The following IQSEC1 variants were observed in gnomAD, a reference collection of about 807,000 sequenced individuals.
IQSEC1 encodes IQ motif and SEC7 domain-containing protein 1.
In IQSEC1, 31 loss-of-function variants were observed where a neutral mutation model predicts 91.0. That is an observed-to-expected ratio of 0.34 (90% CI 0.26 to 0.46). The LOEUF is 0.46. IQSEC1 is among the 20% of genes least tolerant of loss of function. The probability of loss-of-function intolerance (pLI) is 1.00; values close to 1 mark genes in which losing one functional copy is unlikely to be tolerated. For synonymous variants in IQSEC1, 699 were observed against 662.6 expected (o/e 1.05, Z -0.84); for missense variants, 1,388 against 1,575.6 (o/e 0.88, Z 2.02).
At chr3:13,040,146 A>G (rs1704198278) in intron 1 of IQSEC1, among the ~76,000 whole-genome samples, 1 of 152,180 alleles carries the variant, frequency 6.6e-6, no homozygotes, top group Non-Finnish European at 1.5e-5. Flanking sequence ...TTTATGCACC[A>G]TGTGAGGCTT....
At chr3:12,945,057 C>T (rs993327143) in intron 1 of IQSEC1, among the ~76,000 whole-genome samples, 2 of 152,166 alleles carry the variant, frequency 1.3e-5, no homozygotes, top group Non-Finnish European at 2.9e-5. Context: ...TTGAGAGGGG[C>T]CTTTGTTCCC....
At chr3:13,154,480 A>AC (rs1707056026) in intron 2 of IQSEC1, among the ~76,000 whole-genome samples, 1 of 18,294 alleles carries the variant, frequency 5.5e-5, no homozygotes, top group Non-Finnish European at 1.2e-4. Context: ...TATATATGCA[A>AC]AAACTGATAC....
chr3:13,084,313 G>A (rs1459904028), intron 2 of IQSEC1, among the ~76,000 whole-genome samples: 1 of 146,370 alleles, frequency 6.8e-6, no homozygotes, highest in African/African-American at 2.4e-5. Context: ...GGCCCCCAAA[G>A]CTCCTTCCAC....
At chr3:13,189,299 T>C (rs1432712659) in intron 1 of IQSEC1, among the ~76,000 whole-genome samples, 1 of 152,236 alleles carries the variant, frequency 6.6e-6, no homozygotes, top group Non-Finnish European at 1.5e-5. Flanking sequence ...GTTTGGGAAC[T>C]GGTTACCAGC....
At chr3:13,003,883 A>G (rs1218823277) in intron 1 of IQSEC1, among the ~76,000 whole-genome samples, 1 of 152,252 alleles carries the variant, frequency 6.6e-6, no homozygotes, top group Non-Finnish European at 1.5e-5. Context: ...TGAAAGTTAC[A>G]TATGGCATGT....
At chr3:12,977,786 TC>T (rs1252898256) in intron 1 of IQSEC1, among the ~76,000 whole-genome samples, 1 of 152,242 alleles carries the variant, frequency 6.6e-6, no homozygotes, top group African/African-American at 2.4e-5. Flanking sequence ...GAGTTAAACA[TC>T]CCTTTTTGCA....
chr3:13,009,667 ATGTG>A (rs3072722), intron 1 of IQSEC1, among the ~76,000 whole-genome samples: 5 of 150,170 alleles, frequency 3.3e-5, no homozygotes, highest in South Asian at 2.1e-4. Context: ...GTATATATAT[ATGTG>A]TGTGTGTGTG....
intron 1 of IQSEC1, among the ~76,000 whole-genome samples, chr3:13,196,197 GC>G (rs1299048268): frequency 6.6e-6 from 1 of 152,196 alleles, no homozygotes; most frequent in Non-Finnish European, 1.5e-5. Context: ...GGGGGTGCCA[GC>G]CCATAGTCTC....
At chr3:12,906,543 TC>T (rs1695005433) in intron 12 of IQSEC1, among the ~76,000 whole-genome samples, 1 of 152,220 alleles carries the variant, frequency 6.6e-6, no homozygotes, top group South Asian at 2.1e-4. Context: ...TGAGATCTGT[TC>T]CTCCTTTTGT....
chr3:13,132,810 C>T (rs1379657068), intron 2 of IQSEC1, among the ~76,000 whole-genome samples: 1 of 152,070 alleles, frequency 6.6e-6, no homozygotes, highest in Non-Finnish European at 1.5e-5. Flanking sequence ...TTTGTTTCAC[C>T]AGGAAACTTT....
intron 1 of IQSEC1, among the ~76,000 whole-genome samples, chr3:13,280,031 T>A (rs1695759893): frequency 6.6e-6 from 1 of 152,200 alleles, no homozygotes; most frequent in Non-Finnish European, 1.5e-5. Context: ...ACTTACTGTA[T>A]ACCAGTTTCC....
chr3:13,020,035 AG>A (rs919245809), intron 1 of IQSEC1, among the ~76,000 whole-genome samples: 3 of 152,214 alleles, frequency 2.0e-5, no homozygotes, highest in African/African-American at 7.2e-5. Context: ...GACAGGGCAC[AG>A]CGGGCCTCCC....
chr3:13,056,739 GT>G (rs1704895907), intron 1 of IQSEC1, among the ~76,000 whole-genome samples: 2 of 152,122 alleles, frequency 1.3e-5, no homozygotes, highest in Admixed American at 6.5e-5. Context: ...GCTGAGGCGA[GT>G]TTTCCCTGAG....
chr3:12,955,404 C>T (rs899179418), intron 1 of IQSEC1, among the ~76,000 whole-genome samples: 12 of 152,230 alleles, frequency 7.9e-5, no homozygotes, highest in African/African-American at 2.9e-4. Context: ...GGCTGGCAAC[C>T]TGCACTTTCA....
rs1400840105 is a variant in IQSEC1 at position 13,027,595 on chromosome 3, A to G, written c.23+45397T>C. ...AAAGTGGAACTGGTAGAAATGTCTG[A>G]TCAATAAGATGAGGAGGTGAGAGAG... On this transcript the variant is annotated intron_variant, in intron 1 of 13. Transcript: ENST00000613206. 2.6e-5 allele frequency among the ~76,000 whole-genome samples: 4 copies of G among 152,340 alleles called. No homozygotes were observed. The South Asian group carries it at 6.2e-4, about 24-fold the overall frequency.
intron 1 of IQSEC1, among the ~76,000 whole-genome samples, chr3:12,976,254 G>C (rs1701165834): frequency 6.6e-6 from 1 of 152,238 alleles, no homozygotes; most frequent in Admixed American, 6.5e-5. Context: ...GGAAAAGCAG[G>C]AGGGGGGCAG....
intron 1 of IQSEC1, among the ~76,000 whole-genome samples, chr3:13,049,007 G>A (rs190142021): frequency 2.6e-4 from 40 of 152,308 alleles, no homozygotes; most frequent in African/African-American, 8.9e-4. Flanking sequence ...CCAAGACGCT[G>A]TGAGCTCACT....
chr3:12,936,667 G>A lies in IQSEC1; in HGVS notation c.349C>T (p.Arg117Cys), dbSNP rs1329433630. Residue 117 changes from arginine to cysteine, a missense_variant, in exon 3 of 14, where the codon CGC (arginine) becomes TGC (cysteine). Arg to Cys is a radical substitution (Grantham distance 180, BLOSUM62 -3). Coordinates refer to ENST00000613206, the MANE Select transcript of IQSEC1 (RefSeq NM_001134382.3). The part of the protein sequence containing the change: ...VEMLERKYGG[R>C]LVTRHAARTI... ...CGGGCCGCATGGCGGGTTACCAGGC[G>A]CCCCCCATACTTTCGTTCTAGCATC... 1 of 1,593,874 alleles carries A rather than the reference G, an allele frequency of 6.3e-7. No homozygotes were observed. Among genetic ancestry groups the A allele is most frequent in the Non-Finnish European group, 8.5e-7 (1 of 1,169,884 alleles).
At chr3:13,253,507 A>G (rs964230422) in intron 1 of IQSEC1, among the ~76,000 whole-genome samples, 1 of 152,214 alleles carries the variant, frequency 6.6e-6, no homozygotes, top group African/African-American at 2.4e-5. Flanking sequence ...AGCTTCGGTA[A>G]TACTCTGCTT....
Sources: gnomAD v4.1 joint callset for allele counts (sites outside exome capture counted in the v4.1 genomes callset) on GRCh38, gnomAD v4.1.1 for gene constraint, MANE v1.5 for transcripts, NCBI Gene and HGNC (gene_info 2026-07-23, HGNC 2026-07-21) for gene names.